Variants in NCAM2 observed in about 807,000 individuals in gnomAD.
NCAM2 encodes the protein neural cell adhesion molecule 2.
NCAM2 carries 30 observed loss-of-function variants against 98.1 expected under a neutral mutation model. The observed-to-expected ratio is 0.31, with a 90% CI of 0.23 to 0.41. The LOEUF (loss-of-function observed/expected upper bound fraction) is 0.41, where lower values mean the gene tolerates loss of function less well. Ranked by LOEUF, NCAM2 falls within the 10% of genes least tolerant of loss-of-function variation. The pLI is 1.00. For missense variants in NCAM2, 867 were observed against 1,005.8 expected, an observed-to-expected ratio of 0.86 and a Z score of 1.87; for synonymous variants, 368 against 342.4, an observed-to-expected ratio of 1.07 and a Z score of -0.83.
At chr21:21,405,698 T>G (rs1334732580) in intron 9 of NCAM2, among the ~76,000 whole-genome samples, 1 of 5,474 alleles carries the variant, frequency 1.8e-4, no homozygotes, top group Admixed American at 3.1e-3. Flanking sequence ...TAATCACAAC[T>G]GTGCTAGGGA....
intron 1 of NCAM2, among the ~76,000 whole-genome samples, chr21:21,244,988 C>A (rs2147257335): frequency 6.6e-6 from 1 of 151,990 alleles, no homozygotes; most frequent in African/African-American, 2.4e-5. Context: ...TTCTTCAAAT[C>A]AAGATAGACA....
chr21:21,215,881 T>C (rs1444185513), intron 1 of NCAM2, among the ~76,000 whole-genome samples: 1 of 152,120 alleles, frequency 6.6e-6, no homozygotes, highest in Admixed American at 6.5e-5. Context: ...TTTTCCTGCC[T>C]TTTTCCACTT....
At chr21:21,157,481 T>C (rs886110328) in intron 1 of NCAM2, among the ~76,000 whole-genome samples, 1 of 152,186 alleles carries the variant, frequency 6.6e-6, no homozygotes, top group African/African-American at 2.4e-5. Context: ...GAAGATACCA[T>C]ATAGGGTTAT....
rs115813536 is a variant in NCAM2, at chr21:21,455,966, T to C, written c.1655-10640T>C. Among the ~76,000 whole-genome samples, 674 of 152,074 alleles carry C rather than the reference T, an allele frequency of 4.4e-3. 4 individuals carry two copies. The highest frequency in any genetic ancestry group is 0.015 in the African/African-American group (643 of 41,538). On this transcript the variant is annotated intron_variant, in intron 12 of 17. Coordinates refer to ENST00000400546, the MANE Select transcript of NCAM2 (RefSeq NM_004540.5). ...TATTATTATGAATTTCTTCCCAATA[T>C]AATATTAAAAATTCTTTCAAAATAA...
Position 21,522,746 on chromosome 21 carries a change from C to T in NCAM2, c.2283-11791C>T, listed in dbSNP as rs565490892. Among the ~76,000 whole-genome samples, 5 of 151,082 alleles carry T rather than the reference C, an allele frequency of 3.3e-5. No homozygotes were observed. The East Asian group carries it at 9.9e-4, about 30-fold the overall frequency. On this transcript the variant is annotated intron_variant, in intron 16 of 17. Coordinates refer to ENST00000400546, the MANE Select transcript of NCAM2 (RefSeq NM_004540.5). ...TCTGAGATTCAAGCAATTCTCCTGCCTCAGACTCCTGAGTAACTGGGATTA... is the reference window on the plus strand; with the variant it reads ...TCTGAGATTCAAGCAATTCTCCTGCTTCAGACTCCTGAGTAACTGGGATTA...
In NCAM2 at chr21:21,537,874, A is replaced by G. The variant is rs1369495827; in HGVS notation, c.2431A>G (p.Lys811Glu). Residue 811 changes from lysine (K) to glutamate (E), a missense_variant, in exon 18 of 18, where the codon AAA becomes GAA. Physicochemically the swap from Lys to Glu is moderately conservative, Grantham distance 56. Around this residue, in one of 5 missense-constraint regions of NCAM2, gnomAD observed 125 missense variants for 116.1 expected, o/e 1.08. Transcript: ENST00000400546. ...EKLPLKEEDG[K>E]EALNPETIEI... Reference sequence around the variant, plus strand: ...ATTGCCTTTAAAGGAAGAAGATGGGAAAGAAGCTCTAAATCCAGAAACTAT... The same window carrying G: ...ATTGCCTTTAAAGGAAGAAGATGGGGAAGAAGCTCTAAATCCAGAAACTAT... 1 of 1,571,258 alleles carries G rather than the reference A, an allele frequency of 6.4e-7. No homozygotes were observed. The highest frequency in any genetic ancestry group is 8.6e-7 in the Non-Finnish European group (1 of 1,157,494).
At chr21:21,454,465 G>T (rs750659918) in intron 12 of NCAM2, among the ~76,000 whole-genome samples, 1 of 151,956 alleles carries the variant, frequency 6.6e-6, no homozygotes, top group African/African-American at 2.4e-5. Context: ...CCTAACTTAT[G>T]TATGGGTACA....
intron 1 of NCAM2, among the ~76,000 whole-genome samples, chr21:21,196,888 G>T (rs1447753008): frequency 6.6e-6 from 1 of 152,134 alleles, no homozygotes; most frequent in African/African-American, 2.4e-5. Flanking sequence ...CCCCTTCAGT[G>T]CTGTTCCTGT....
chr21:21,277,094 G>A (rs2826762), intron 1 of NCAM2, among the ~76,000 whole-genome samples: 3,517 of 152,096 alleles, frequency 0.023, 71 homozygotes, highest in Non-Finnish European at 0.035. Context: ...TAAGGTCAGT[G>A]GTAGGCATTA....
intron 11 of NCAM2, among the ~76,000 whole-genome samples, chr21:21,429,100 A>T (rs946577507): frequency 1.3e-5 from 2 of 152,214 alleles, no homozygotes; most frequent in Non-Finnish European, 2.9e-5. Context: ...TTTTGCTTTA[A>T]AAGAAGTAAT....
At chr21:21,073,934 A>T (rs2065625491) in intron 1 of NCAM2, among the ~76,000 whole-genome samples, 1 of 152,232 alleles carries the variant, frequency 6.6e-6, no homozygotes, top group South Asian at 2.1e-4. Flanking sequence ...TAAAGTGACT[A>T]GCAGAGGGTC....
At chr21:21,318,936 G>A (rs574919203) in intron 5 of NCAM2, among the ~76,000 whole-genome samples, 1 of 152,160 alleles carries the variant, frequency 6.6e-6, no homozygotes, top group South Asian at 2.1e-4. Flanking sequence ...ATTTTTAAAA[G>A]AAAGAAAAAA....
chr21:21,113,301 C>G (rs1396850052), intron 1 of NCAM2, among the ~76,000 whole-genome samples: 1 of 152,130 alleles, frequency 6.6e-6, no homozygotes, highest in Non-Finnish European at 1.5e-5. Flanking sequence ...TTTTAGTAAT[C>G]ATTTTATTCT....
At chr21:21,195,078 TTTAAGA>T in intron 1 of NCAM2, among the ~76,000 whole-genome samples, 1 of 152,294 alleles carries the variant, frequency 6.6e-6, no homozygotes, top group East Asian at 1.9e-4. Context: ...ATGTTATGAC[TTTAAGA>T]TTAGGGAATG....
At chr21:21,495,850 C>T (rs143164723) in intron 15 of NCAM2, among the ~76,000 whole-genome samples, 2 of 151,932 alleles carry the variant, frequency 1.3e-5, no homozygotes, top group Non-Finnish European at 2.9e-5. Context: ...CCATTGGTCA[C>T]TAATTTATAT....
chr21:21,153,080 A>G (rs2067495580), intron 1 of NCAM2, among the ~76,000 whole-genome samples: 1 of 151,332 alleles, frequency 6.6e-6, no homozygotes, highest in African/African-American at 2.4e-5. Flanking sequence ...ATGTGACAGT[A>G]TTTATTTTTT....
intron 1 of NCAM2, among the ~76,000 whole-genome samples, chr21:21,108,032 A>G (rs1043115810): frequency 6.6e-6 from 1 of 152,092 alleles, no homozygotes; most frequent in Non-Finnish European, 1.5e-5. Context: ...ATAAGCAGGT[A>G]TATATTTCCT....
At chr21:21,273,903 T>C (rs1181067995) in intron 1 of NCAM2, among the ~76,000 whole-genome samples, 2 of 152,160 alleles carry the variant, frequency 1.3e-5, no homozygotes, top group Non-Finnish European at 2.9e-5. Context: ...CGTTGGCTCA[T>C]GCCTGTAATC....
intron 15 of NCAM2, among the ~76,000 whole-genome samples, chr21:21,488,101 A>G (rs1986542866): frequency 6.6e-6 from 1 of 152,128 alleles, no homozygotes; most frequent in Admixed American, 6.5e-5. Flanking sequence ...GATGTTTAAT[A>G]TATATGCAAT....
Sources: gnomAD v4.1 joint callset for allele counts (sites outside exome capture counted in the v4.1 genomes callset) on GRCh38, gnomAD v4.1.1 for gene constraint, gnomAD v4.1.1 regional missense constraint, MANE v1.5 for transcripts, NCBI Gene and HGNC (gene_info 2026-07-23, HGNC 2026-07-21) for gene names.